ENTREP2: variants seen among roughly 807,000 people sequenced by gnomAD.
ENTREP2 encodes the protein endosomal transmembrane epsin interactor 2.
chr15:29,497,742 G>C, the ENTREP2 span, among the ~76,000 whole-genome samples: 1 of 151,850 alleles, frequency 6.6e-6, no homozygotes, highest in Non-Finnish European at 1.5e-5. Context: ...TAGTTTTGCT[G>C]ATCTTTTCTA....
the ENTREP2 span, among the ~76,000 whole-genome samples, chr15:29,178,480 G>A: frequency 2.0e-5 from 3 of 151,960 alleles, no homozygotes; most frequent in East Asian, 5.8e-4. Context: ...TGGACTAATT[G>A]CTAGTCAGAC....
At chr15:29,339,910 G>A in the ENTREP2 span, among the ~76,000 whole-genome samples, 2 of 152,206 alleles carry the variant, frequency 1.3e-5, no homozygotes, top group Admixed American at 6.5e-5. Flanking sequence ...CCATCCCTCC[G>A]CCTTCAGATG....
At chr15:29,551,119 C>T in the ENTREP2 span, among the ~76,000 whole-genome samples, 7 of 152,136 alleles carry the variant, frequency 4.6e-5, no homozygotes, top group Non-Finnish European at 8.8e-5. Flanking sequence ...GTTTGAACAC[C>T]CTTCCTACAA....
At chr15:29,227,172 G>C in the ENTREP2 span, among the ~76,000 whole-genome samples, 17 of 152,196 alleles carry the variant, frequency 1.1e-4, no homozygotes, top group African/African-American at 4.1e-4. Context: ...ATTTTCCAAA[G>C]AGAAAGGGAC....
the ENTREP2 span, among the ~76,000 whole-genome samples, chr15:29,641,963 GT>G: frequency 1.3e-5 from 2 of 151,948 alleles, no homozygotes; most frequent in Admixed American, 6.6e-5. Flanking sequence ...ACAAAATGTT[GT>G]TGAAAGAGAT....
the ENTREP2 span, among the ~76,000 whole-genome samples, chr15:29,377,867 A>T: frequency 2.7e-5 from 4 of 145,868 alleles, no homozygotes; most frequent in African/African-American, 5.0e-5. Context: ...AATAATAAAA[A>T]AATGAGCCAC....
At chr15:29,360,346 G>T in the ENTREP2 span, among the ~76,000 whole-genome samples, 1 of 151,782 alleles carries the variant, frequency 6.6e-6, no homozygotes. Flanking sequence ...TTTTCTATTA[G>T]GAGACCATGA....
the ENTREP2 span, among the ~76,000 whole-genome samples, chr15:29,294,301 G>A: frequency 1.3e-5 from 2 of 152,206 alleles, no homozygotes; most frequent in Non-Finnish European, 2.9e-5. Flanking sequence ...CCCGTTAGTG[G>A]CCAGAGCCCA....
the ENTREP2 span, among the ~76,000 whole-genome samples, chr15:29,597,874 C>A: frequency 6.6e-6 from 1 of 152,106 alleles, no homozygotes; most frequent in Admixed American, 6.5e-5. Context: ...GTAATCCCAG[C>A]ATTTTGGGAG....
At chr15:29,369,587 AATTAAAC>A in the ENTREP2 span, among the ~76,000 whole-genome samples, 7 of 122,570 alleles carry the variant, frequency 5.7e-5, no homozygotes, top group African/African-American at 3.3e-4. Context: ...TTTAGGCTGA[AATTAAAC>A]ACACACACAC....
chr15:29,231,400 G>T, the ENTREP2 span, among the ~76,000 whole-genome samples: 2 of 151,918 alleles, frequency 1.3e-5, no homozygotes, highest in African/African-American at 4.8e-5. Context: ...CCCTACCCAG[G>T]CACTGATGTA....
chr15:29,416,816 C>A, the ENTREP2 span, among the ~76,000 whole-genome samples: 1 of 152,184 alleles, frequency 6.6e-6, no homozygotes, highest in Non-Finnish European at 1.5e-5. Context: ...AAACAAACAA[C>A]CCCATCAACA....
the ENTREP2 span, among the ~76,000 whole-genome samples, chr15:29,160,641 A>G: frequency 6.8e-6 from 1 of 146,262 alleles, no homozygotes; most frequent in Non-Finnish European, 1.5e-5. Context: ...CCTGGGAGGC[A>G]GAGGTTGCAG....
chr15:29,255,543 G>A, the ENTREP2 span, among the ~76,000 whole-genome samples: 14 of 152,110 alleles, frequency 9.2e-5, no homozygotes, highest in African/African-American at 2.9e-4. Context: ...AAAATACATT[G>A]TTTTGCCAAA....
chr15:29,642,775 G>A, the ENTREP2 span, among the ~76,000 whole-genome samples: 3 of 151,962 alleles, frequency 2.0e-5, no homozygotes, highest in Admixed American at 6.6e-5. Context: ...ACGACACACG[G>A]CTAATTTTTT....
At chr15:29,376,507 C>T in the ENTREP2 span, 1 of 151,860 alleles carries the variant, frequency 6.6e-6, no homozygotes, top group South Asian at 2.1e-4. Context: ...ATTCATGTCG[C>T]TAGTTTTCAG....
At chr15:29,588,474 A>C in the ENTREP2 span, among the ~76,000 whole-genome samples, 66 of 150,342 alleles carry the variant, frequency 4.4e-4, no homozygotes, top group East Asian at 0.013. Flanking sequence ...TATCAAAAAG[A>C]AAAGAAAGAG....
At chr15:29,573,879 T>C in the ENTREP2 span, among the ~76,000 whole-genome samples, 2 of 152,222 alleles carry the variant, frequency 1.3e-5, no homozygotes, top group African/African-American at 4.8e-5. Flanking sequence ...TACAGAATTT[T>C]TTAATCCTGT....
the ENTREP2 span, among the ~76,000 whole-genome samples, chr15:29,608,405 G>T: frequency 6.6e-6 from 1 of 151,810 alleles, no homozygotes; most frequent in Non-Finnish European, 1.5e-5. Context: ...TCCTTGTCTT[G>T]CTCAATTTTG....
Sources: gnomAD v4.1 joint callset for allele counts (sites outside exome capture counted in the v4.1 genomes callset) on GRCh38, gnomAD v4.1.1 for gene constraint, MANE v1.5 for transcripts, NCBI Gene and HGNC (gene_info 2026-07-23, HGNC 2026-07-21) for gene names.